The following RERE variants were observed in gnomAD, a reference collection of about 807,000 sequenced individuals.
RERE encodes arginine-glutamic acid dipeptide repeats protein.
Under a neutral mutation model 146.1 loss-of-function variants are expected in RERE, and 40 were observed. The ratio of observed to expected loss-of-function variants is 0.27; its 90% CI spans 0.21 to 0.36. The LOEUF (loss-of-function observed/expected upper bound fraction) is 0.36, where lower values mean the gene tolerates loss of function less well. Among genes scored for constraint, RERE ranks in the 10% least tolerant of loss-of-function variants. RERE has a pLI of 1.00. For synonymous variants in RERE, 1,003 were observed against 866.0 expected (o/e 1.16, Z -2.78); for missense variants, 1,933 against 2,138.7 (o/e 0.90, Z 1.90).
At chr1:8,560,830 T>A (rs1431127011) in intron 4 of RERE, among the ~76,000 whole-genome samples, 1 of 152,234 alleles carries the variant, frequency 6.6e-6, no homozygotes, top group Non-Finnish European at 1.5e-5. Context: ...GTCACTGAGC[T>A]ACTAATACAT....
chr1:8,447,186 A>T (rs1272604424), intron 11 of RERE, among the ~76,000 whole-genome samples: 1 of 151,108 alleles, frequency 6.6e-6, no homozygotes, highest in East Asian at 1.9e-4. Context: ...TCTAGTTAGC[A>T]GTTCCTCTAA....
At chr1:8,512,012 C>CTTTTTTT (rs1557666425) in intron 7 of RERE, 1 of 57,336 alleles carries the variant, frequency 1.7e-5, no homozygotes, top group Admixed American at 2.0e-4. Context: ...GTAGGAAACA[C>CTTTTTTT]TCTTTTTTTT....
intron 10 of RERE, among the ~76,000 whole-genome samples, chr1:8,467,138 T>C (rs1391123479): frequency 1.3e-5 from 2 of 152,208 alleles, no homozygotes; most frequent in African/African-American, 4.8e-5. Flanking sequence ...GACACAGCAG[T>C]AAACAACACA....
rs916073118 is a variant in RERE at position 8,360,784 on chromosome 1, T to G, written c.2723A>C (p.Gln908Pro). The change falls in exon 18 of 23, where the codon CAG becomes CCG. Residue 908 changes from glutamine (Q) to proline (P), a missense_variant. Physicochemically the swap from Gln to Pro is moderately conservative, Grantham distance 76 (BLOSUM62 -1). Coordinates refer to ENST00000400908, the MANE Select transcript of RERE (RefSeq NM_001042681.2). ...CTGCTCCCGTGGAGGCTGTTGGGACTGCAGCGCTGACTGAGAGGCTGGCAG... is the reference window on the plus strand; with the variant it reads ...CTGCTCCCGTGGAGGCTGTTGGGACGGCAGCGCTGACTGAGAGGCTGGCAG... ...LQLPASQSAL[Q>P]SQQPPREQPL... 3.8e-6 allele frequency: 6 copies of G among 1,591,444 alleles called. No homozygotes were observed. The highest frequency in any genetic ancestry group is 2.7e-5 in the African/African-American group (2 of 74,668).
intron 1 of RERE, among the ~76,000 whole-genome samples, chr1:8,755,755 T>C (rs769648028): frequency 6.6e-6 from 1 of 152,130 alleles, no homozygotes; most frequent in African/African-American, 2.4e-5. Flanking sequence ...TTTTAACATA[T>C]ATTTCTAAAA....
Position 8,670,431 on chromosome 1 carries a change from C to A in RERE, c.-144-13990G>T, listed in dbSNP as rs865970204. Among the ~76,000 whole-genome samples, 81 of 152,246 alleles carry A rather than the reference C, an allele frequency of 5.3e-4. 1 individual carries two copies. Among genetic ancestry groups the A allele is most frequent in the Non-Finnish European group, 4.0e-4 (27 of 68,028 alleles). ...TGTCCAGAACACACACAATCTCTAA[C>A]CTCAGAGAGATTACAATCTAGTGGG... On this transcript the variant is annotated intron_variant, in intron 1 of 22. Coordinates refer to ENST00000400908, the MANE Select transcript of RERE (RefSeq NM_001042681.2).
chr1:8,522,541 T>C (rs1377073388), intron 7 of RERE, among the ~76,000 whole-genome samples: 2 of 152,150 alleles, frequency 1.3e-5, no homozygotes, highest in Non-Finnish European at 2.9e-5. Flanking sequence ...ATTAACACAG[T>C]AGCCACGAGT....
chr1:8,404,996 G>A (rs1310878547), intron 12 of RERE, among the ~76,000 whole-genome samples: 2 of 152,176 alleles, frequency 1.3e-5, no homozygotes, highest in East Asian at 3.8e-4. Flanking sequence ...CTGACTATAT[G>A]TCGGTTTTCT....
intron 4 of RERE, among the ~76,000 whole-genome samples, chr1:8,612,068 C>T (rs541345076): frequency 2.5e-4 from 38 of 152,292 alleles, no homozygotes; most frequent in African/African-American, 8.9e-4. Flanking sequence ...GATGTTTATT[C>T]CATCATTAGT....
intron 4 of RERE, among the ~76,000 whole-genome samples, chr1:8,585,833 A>G (rs1170016205): frequency 6.6e-6 from 1 of 152,242 alleles, no homozygotes; most frequent in East Asian, 1.9e-4. Flanking sequence ...ATGACAGACA[A>G]CACTACCATA....
At chr1:8,413,167 T>C (rs1643660304) in intron 12 of RERE, among the ~76,000 whole-genome samples, 1 of 152,180 alleles carries the variant, frequency 6.6e-6, no homozygotes, top group Non-Finnish European at 1.5e-5. Flanking sequence ...TAAGGGCTGT[T>C]ACAGGACTCT....
intron 3 of RERE, among the ~76,000 whole-genome samples, chr1:8,616,309 A>G (rs1646852132): frequency 2.6e-5 from 4 of 152,206 alleles, no homozygotes; most frequent in Admixed American, 2.6e-4. Flanking sequence ...TTTTTTCAAA[A>G]CAAGTCATTG....
intron 1 of RERE, among the ~76,000 whole-genome samples, chr1:8,746,357 C>T (rs183072328): frequency 5.9e-5 from 9 of 152,046 alleles, no homozygotes; most frequent in African/African-American, 2.2e-4. Flanking sequence ...TCCAGGGTTG[C>T]TCACCATACT....
intron 1 of RERE, among the ~76,000 whole-genome samples, chr1:8,712,459 G>C (rs916269689): frequency 2.0e-5 from 3 of 152,152 alleles, no homozygotes; most frequent in South Asian, 4.1e-4. Flanking sequence ...TGAAGAATAC[G>C]AGAGCCCTAT....
chr1:8,522,494 T>A (rs1645515022), intron 7 of RERE, among the ~76,000 whole-genome samples: 1 of 152,166 alleles, frequency 6.6e-6, no homozygotes, highest in South Asian at 2.1e-4. Context: ...ATCACAGACA[T>A]CTGGTCTTAG....
intron 8 of RERE, among the ~76,000 whole-genome samples, chr1:8,501,042 G>A (rs1331070428): frequency 7.2e-6 from 1 of 138,138 alleles, no homozygotes; most frequent in East Asian, 2.1e-4. Context: ...GGGGGGGGGG[G>A]GGTCAGCCCC....
At chr1:8,507,914 A>G (rs1169063758) in intron 8 of RERE, among the ~76,000 whole-genome samples, 1 of 147,070 alleles carries the variant, frequency 6.8e-6, no homozygotes, top group East Asian at 2.1e-4. Flanking sequence ...TAATTTTTGT[A>G]TTTTTAGTAG....
chr1:8,596,635 A>G (rs1439755781), intron 4 of RERE, among the ~76,000 whole-genome samples: 1 of 149,984 alleles, frequency 6.7e-6, no homozygotes, highest in Non-Finnish European at 1.5e-5. Flanking sequence ...TGGCCTCCCA[A>G]GTAGTTGGGA....
rs139598347 is a variant in RERE, at chr1:8,767,857, T to C, written c.-145+49303A>G. 8.1e-3 allele frequency among the ~76,000 whole-genome samples: 1,234 copies of C among 152,096 alleles called. 13 individuals are homozygous for C. Among genetic ancestry groups the C allele is most frequent in the African/African-American group, 0.028 (1,180 of 41,492 alleles). On this transcript the variant is annotated intron_variant, in intron 1 of 22. Coordinates refer to ENST00000400908, the MANE Select transcript of RERE (RefSeq NM_001042681.2). ...GGTGCACGCCTGTAGTCCCAGCTAC[T>C]TGGGAGGCTGAGGCAGGAGAATCAC...
Sources: allele counts gnomAD v4.1 joint callset (sites outside exome capture counted in the v4.1 genomes callset), GRCh38; gene constraint gnomAD v4.1.1; transcripts MANE v1.5; gene names NCBI Gene and HGNC (gene_info 2026-07-23, HGNC 2026-07-21).